MAGI2: variants seen among roughly 807,000 people sequenced by gnomAD.
MAGI2 encodes the protein membrane-associated guanylate kinase, WW and PDZ domain-containing protein 2.
Under a neutral mutation model 133.3 loss-of-function variants are expected in MAGI2, and 35 were observed. The observed-to-expected ratio is 0.26, with a 90% confidence interval of 0.20 to 0.35. MAGI2 has a LOEUF of 0.35. Ranked by LOEUF, MAGI2 falls within the 10% of genes least tolerant of loss-of-function variation. The pLI, the probability that MAGI2 is intolerant of heterozygous loss-of-function variation, is 1.00. For synonymous variants in MAGI2, 729 were observed against 710.6 expected (o/e 1.03, Z -0.41); for missense variants, 1,636 against 1,863.4 (o/e 0.88, Z 2.25).
At chr7:78,028,645 A>G (rs533270639) in intron 21 of MAGI2, among the ~76,000 whole-genome samples, 1 of 152,322 alleles carries the variant, frequency 6.6e-6, no homozygotes, top group African/African-American at 2.4e-5. Flanking sequence ...ACTTGAGGTC[A>G]GGAGTTCGAG....
chr7:78,302,367 A>G (rs1348256784), intron 9 of MAGI2, among the ~76,000 whole-genome samples: 3 of 152,196 alleles, frequency 2.0e-5, no homozygotes, highest in African/African-American at 2.4e-5. Context: ...TCTAGGGAAT[A>G]TAACGTGGTC....
intron 2 of MAGI2, among the ~76,000 whole-genome samples, chr7:78,837,886 G>T (rs1216224364): frequency 2.0e-5 from 3 of 152,036 alleles, no homozygotes; most frequent in African/African-American, 7.2e-5. Context: ...CACTAGCAAA[G>T]TGGCTTTTGG....
chr7:78,989,844 C>G (rs1805593181), intron 2 of MAGI2, among the ~76,000 whole-genome samples: 1 of 150,710 alleles, frequency 6.6e-6, no homozygotes, highest in African/African-American at 2.5e-5. Context: ...CAGAACAACT[C>G]AGCTGCTGTT....
chr7:78,597,476 T>G (rs1804737625), intron 3 of MAGI2, among the ~76,000 whole-genome samples: 1 of 151,982 alleles, frequency 6.6e-6, no homozygotes, highest in Admixed American at 6.6e-5. Context: ...GTTAACCAAT[T>G]CAACTCCACA....
intron 1 of MAGI2, chr7:79,412,751 A>C (rs1846226349): frequency 6.6e-6 from 1 of 152,136 alleles, no homozygotes; most frequent in Admixed American, 6.6e-5. Flanking sequence ...TCCAGGACTC[A>C]GCCTCCTCAT....
intron 1 of MAGI2, among the ~76,000 whole-genome samples, chr7:79,136,003 GAGAAA>G (rs1821413166): frequency 7.3e-5 from 3 of 40,916 alleles, no homozygotes; most frequent in Admixed American, 5.9e-4. Flanking sequence ...AAGAAAGAAA[GAGAAA>G]GAAAGAAAGA....
At chr7:78,035,622 A>C (rs986013064) in intron 21 of MAGI2, among the ~76,000 whole-genome samples, 4 of 152,148 alleles carry the variant, frequency 2.6e-5, no homozygotes, top group African/African-American at 7.2e-5. Context: ...TTGTTTCCTT[A>C]AAGTGAGATG....
intron 2 of MAGI2, among the ~76,000 whole-genome samples, chr7:78,853,574 T>C (rs958755206): frequency 6.6e-6 from 1 of 151,756 alleles, no homozygotes; most frequent in African/African-American, 2.4e-5. Flanking sequence ...CAGACTGGTC[T>C]CAAACTCCCG....
intron 6 of MAGI2, among the ~76,000 whole-genome samples, chr7:78,483,830 T>C (rs540543563): frequency 6.6e-6 from 1 of 152,088 alleles, no homozygotes; most frequent in African/African-American, 2.4e-5. Flanking sequence ...TACAAACATA[T>C]ATGAAATATC....
intron 18 of MAGI2, 96 bp from the exon 19 acceptor site, chr7:78,127,512 C>T: frequency 2.5e-6 from 2 of 806,734 alleles, no homozygotes; most frequent in Non-Finnish European, 2.0e-6. Context: ...GCCATGACAG[C>T]TCACACAAAC....
At chr7:79,199,343 C>T (rs549136457) in intron 1 of MAGI2, among the ~76,000 whole-genome samples, 17 of 152,032 alleles carry the variant, frequency 1.1e-4, no homozygotes, top group Admixed American at 2.0e-4. Context: ...AATATCTGTA[C>T]GCTTCCTACT....
chr7:79,379,489 C>G (rs1307185480), intron 1 of MAGI2, among the ~76,000 whole-genome samples: 2 of 151,806 alleles, frequency 1.3e-5, no homozygotes. Flanking sequence ...TAATAGGATG[C>G]CTGGGTCAAA....
intron 1 of MAGI2, among the ~76,000 whole-genome samples, chr7:79,137,753 A>T (rs949789630): frequency 2.0e-5 from 3 of 152,018 alleles, no homozygotes; most frequent in African/African-American, 7.2e-5. Flanking sequence ...ATAAGCCACC[A>T]TGACCAGCCC....
intron 4 of MAGI2, among the ~76,000 whole-genome samples, chr7:78,503,908 G>A (rs1794864204): frequency 6.6e-6 from 1 of 151,502 alleles, no homozygotes; most frequent in African/African-American, 2.4e-5. Context: ...TGGAACTGTA[G>A]GTCAATTAAA....
At chr7:78,254,209 A>C (rs1216461051) in intron 10 of MAGI2, 1 of 152,194 alleles carries the variant, frequency 6.6e-6, no homozygotes, top group African/African-American at 2.4e-5. Flanking sequence ...AAAAGTACAA[A>C]TTACCATAAT....
At chr7:78,586,368 C>A (rs911224410) in intron 3 of MAGI2, among the ~76,000 whole-genome samples, 4 of 151,400 alleles carry the variant, frequency 2.6e-5, no homozygotes, top group Non-Finnish European at 4.4e-5. Flanking sequence ...CCCCAAACAC[C>A]CCCACCCATA....
intron 1 of MAGI2, among the ~76,000 whole-genome samples, chr7:79,058,234 T>C (rs1056183540): frequency 2.6e-5 from 4 of 152,174 alleles, no homozygotes; most frequent in African/African-American, 9.6e-5. Context: ...TCAATTTTTT[T>C]CTATGCTATT....
At chr7:79,038,911 A>C (rs1388638040) in intron 1 of MAGI2, among the ~76,000 whole-genome samples, 1 of 152,358 alleles carries the variant, frequency 6.6e-6, no homozygotes, top group East Asian at 1.9e-4. Flanking sequence ...CCACAGAGGC[A>C]GAATCCACTA....
At chr7:78,972,321 CA>C (rs1279667698) in intron 2 of MAGI2, among the ~76,000 whole-genome samples, 1 of 151,766 alleles carries the variant, frequency 6.6e-6, no homozygotes, top group Non-Finnish European at 1.5e-5. Context: ...TCCTTACTAT[CA>C]AAAAAATTAA....
Sources: allele counts gnomAD v4.1 joint callset (sites outside exome capture counted in the v4.1 genomes callset), GRCh38; gene constraint gnomAD v4.1.1; transcripts MANE v1.5; gene names NCBI Gene and HGNC (gene_info 2026-07-23, HGNC 2026-07-21).